RARB: variants seen among roughly 807,000 people sequenced by gnomAD.
RARB encodes the protein HBV-activated protein.
In RARB, 17 loss-of-function variants were observed where a neutral mutation model predicts 51.9. The observed-to-expected ratio is 0.33, with a 90% confidence interval of 0.22 to 0.49. The LOEUF (loss-of-function observed/expected upper bound fraction) is 0.49, where lower values mean the gene tolerates loss of function less well. Among genes scored for constraint, RARB ranks in the 20% least tolerant of loss-of-function variants. RARB has a pLI of 0.99. For missense variants in RARB, 369 were observed against 550.8 expected (o/e 0.67, Z 3.30); for synonymous variants, 215 against 195.4 (o/e 1.10, Z -0.84).
intron 5 of RARB, among the ~76,000 whole-genome samples, chr3:25,258,802 A>G (rs2125405693): frequency 6.6e-6 from 1 of 152,248 alleles, no homozygotes. Flanking sequence ...AAAGACACCA[A>G]ACAGGAGCGG....
At chr3:25,369,738 C>G (rs777764913) in intron 5 of RARB, among the ~76,000 whole-genome samples, 1 of 152,098 alleles carries the variant, frequency 6.6e-6, no homozygotes, top group African/African-American at 2.4e-5. Flanking sequence ...GTCTGACCAA[C>G]GTGGAGAAAC....
chr3:25,009,076 C>G (rs1334424474), intron 2 of RARB, among the ~76,000 whole-genome samples: 6 of 152,146 alleles, frequency 3.9e-5, no homozygotes, highest in Non-Finnish European at 8.8e-5. Context: ...TCAGTCCCTT[C>G]TAATTTGGCT....
chr3:25,548,593 C>A (rs1228334210), intron 3 of RARB, among the ~76,000 whole-genome samples: 4 of 144,942 alleles, frequency 2.8e-5, no homozygotes, highest in African/African-American at 1.0e-4. Flanking sequence ...TGTTTTTTTC[C>A]TGCTGATGAT....
In RARB at chr3:25,464,215, G is replaced by A. The variant is rs139777026; in HGVS notation, c.306+2874G>A. 5.6e-4 allele frequency among the ~76,000 whole-genome samples: 85 copies of A among 152,182 alleles called. No individual in the cohort carries two copies. The East Asian group carries it at 0.015, about 27-fold the overall frequency. On this transcript the variant is annotated intron_variant, in intron 2 of 7. Transcript: ENST00000330688. ...GTACCTGCTCTCATCATTATCCAACGTGTCTCTGTGGCACATACTAGGAGC... is the reference window on the plus strand; with the variant it reads ...GTACCTGCTCTCATCATTATCCAACATGTCTCTGTGGCACATACTAGGAGC...
At chr3:25,523,839 C>T (rs1559450049) in intron 3 of RARB, among the ~76,000 whole-genome samples, 1 of 152,312 alleles carries the variant, frequency 6.6e-6, no homozygotes, top group Admixed American at 6.5e-5. Context: ...AACTTTTTCT[C>T]TTGTTCACAG....
chr3:25,096,876 A>C (rs1366964987), intron 3 of RARB, among the ~76,000 whole-genome samples: 1 of 152,212 alleles, frequency 6.6e-6, no homozygotes, highest in East Asian at 1.9e-4. Flanking sequence ...TTGACTAAGA[A>C]GTGATATGGG....
intron 5 of RARB, among the ~76,000 whole-genome samples, chr3:25,385,064 G>T (rs1706752932): frequency 1.3e-5 from 2 of 152,070 alleles, no homozygotes; most frequent in Admixed American, 1.3e-4. Flanking sequence ...CTTAAAGGCA[G>T]AATAAAGCGT....
chr3:24,989,273 G>A (rs1045532612), intron 2 of RARB, among the ~76,000 whole-genome samples: 1 of 152,234 alleles, frequency 6.6e-6, no homozygotes, highest in Admixed American at 6.5e-5. Context: ...AATAACAACA[G>A]TGGATGTCAG....
At chr3:24,971,176 A>G (rs1392049864) in intron 2 of RARB, among the ~76,000 whole-genome samples, 1 of 152,034 alleles carries the variant, frequency 6.6e-6, no homozygotes, top group African/African-American at 2.4e-5. Context: ...GCTAGGTAAC[A>G]TGCCAATTGT....
intron 4 of RARB, 97 bp downstream of exon 4, chr3:25,570,015 CA>C: frequency 1.8e-6 from 2 of 1,133,328 alleles, no homozygotes; most frequent in East Asian, 5.2e-5. Context: ...CACACACACA[CA>C]CACACTTTGC....
intron 5 of RARB, among the ~76,000 whole-genome samples, chr3:25,322,489 A>G (rs957298963): frequency 1.3e-5 from 2 of 152,218 alleles, no homozygotes; most frequent in East Asian, 1.9e-4. Context: ...ATATATCAGT[A>G]TACACATTGG....
chr3:25,093,244 C>A (rs1037506813), intron 3 of RARB, among the ~76,000 whole-genome samples: 2 of 152,168 alleles, frequency 1.3e-5, no homozygotes, highest in Admixed American at 6.5e-5. Context: ...TCCTTTTATA[C>A]AAGTAGCTGG....
intron 5 of RARB, among the ~76,000 whole-genome samples, chr3:25,411,401 G>A (rs1707558767): frequency 6.6e-6 from 1 of 152,170 alleles, no homozygotes; most frequent in African/African-American, 2.4e-5. Flanking sequence ...AACTCACAAG[G>A]TAATCCCATC....
intron 2 of RARB, among the ~76,000 whole-genome samples, chr3:25,491,822 T>C (rs957066373): frequency 2.6e-5 from 4 of 151,940 alleles, no homozygotes; most frequent in Non-Finnish European, 5.9e-5. Context: ...GTGCCTGTGA[T>C]CCTAGCTACT....
intron 5 of RARB, among the ~76,000 whole-genome samples, chr3:25,329,824 C>T (rs908559007): frequency 6.6e-6 from 1 of 152,028 alleles, no homozygotes; most frequent in Non-Finnish European, 1.5e-5. Flanking sequence ...CCTTAAATGG[C>T]CTGATGGAGC....
chr3:25,361,535 T>G (rs528846584), intron 5 of RARB, among the ~76,000 whole-genome samples: 1 of 152,230 alleles, frequency 6.6e-6, no homozygotes, highest in African/African-American at 2.4e-5. Context: ...TGCCAAGGAG[T>G]TGTGATCCTT....
At chr3:24,939,999 G>C (rs1695626380) in intron 2 of RARB, among the ~76,000 whole-genome samples, 1 of 152,162 alleles carries the variant, frequency 6.6e-6, no homozygotes, top group South Asian at 2.1e-4. Context: ...TCAAAACAAT[G>C]TTCTCACTCA....
chr3:25,230,436 A>G (rs1342223043), intron 5 of RARB, among the ~76,000 whole-genome samples: 2 of 152,124 alleles, frequency 1.3e-5, no homozygotes, highest in Admixed American at 6.6e-5. Flanking sequence ...AATGACATGA[A>G]GAAACAAGCA....
chr3:25,171,570 G>T (rs1044947872), intron 4 of RARB, among the ~76,000 whole-genome samples: 1 of 115,970 alleles, frequency 8.6e-6, no homozygotes, highest in African/African-American at 3.3e-5. Context: ...AATCTGCAGC[G>T]TTTGAAAGCA....
Sources: allele counts gnomAD v4.1 joint callset (sites outside exome capture counted in the v4.1 genomes callset), GRCh38; gene constraint gnomAD v4.1.1; transcripts MANE v1.5; gene names NCBI Gene and HGNC (gene_info 2026-07-23, HGNC 2026-07-21).